RBFOX1: variants seen among roughly 807,000 people sequenced by gnomAD.
The protein encoded by RBFOX1 is RNA binding fox-1 homolog 1.
In RBFOX1, 8 loss-of-function variants were observed where a neutral mutation model predicts 57.7. The observed-to-expected ratio is 0.14, with a 90% CI of 0.08 to 0.25. The LOEUF (loss-of-function observed/expected upper bound fraction) is 0.25. Ranked by LOEUF, RBFOX1 falls within the 10% of genes least tolerant of loss-of-function variation. The pLI is 1.00. For missense variants in RBFOX1, 611 were observed against 548.5 expected (o/e 1.11, Z -1.14); for synonymous variants, 326 against 222.4 (o/e 1.47, Z -4.15).
intron 4 of RBFOX1, among the ~76,000 whole-genome samples, chr16:7,390,496 C>T (rs780014776): frequency 1.3e-5 from 2 of 152,162 alleles, no homozygotes; most frequent in East Asian, 1.9e-4. Flanking sequence ...ATCATCTGTT[C>T]AAAAGAATAC....
intron 2 of RBFOX1, among the ~76,000 whole-genome samples, chr16:5,488,054 G>C (rs1270565662): frequency 6.6e-6 from 1 of 151,864 alleles, no homozygotes; most frequent in Non-Finnish European, 1.5e-5. Flanking sequence ...GATGATGGTG[G>C]TGAGGTGTGA....
chr16:7,109,598 G>T (rs751449656), intron 4 of RBFOX1, among the ~76,000 whole-genome samples: 1 of 152,096 alleles, frequency 6.6e-6, no homozygotes, highest in Non-Finnish European at 1.5e-5. Flanking sequence ...ACAACCCAGG[G>T]ATCACAAGCC....
At chr16:6,246,750 G>A (rs376430882) in intron 1 of RBFOX1, among the ~76,000 whole-genome samples, 35 of 152,246 alleles carry the variant, frequency 2.3e-4, no homozygotes, top group Admixed American at 3.9e-4. Flanking sequence ...GTGCTGCCGC[G>A]GTCTCTATCT....
At chr16:7,198,782 C>T (rs1223761734) in intron 4 of RBFOX1, among the ~76,000 whole-genome samples, 14 of 152,206 alleles carry the variant, frequency 9.2e-5, no homozygotes. Flanking sequence ...TACTGGGCCT[C>T]ACCTCCCAAC....
intron 1 of RBFOX1, among the ~76,000 whole-genome samples, chr16:5,294,912 C>T (rs540445884): frequency 1.3e-5 from 2 of 150,668 alleles, no homozygotes; most frequent in South Asian, 4.3e-4. Context: ...CGCCTTTGAT[C>T]CCAGCTACTC....
At chr16:6,939,922 A>G (rs1241705500) in intron 3 of RBFOX1, among the ~76,000 whole-genome samples, 13 of 152,192 alleles carry the variant, frequency 8.5e-5, no homozygotes, top group Non-Finnish European at 1.5e-4. Context: ...TAATTTAATC[A>G]CAACTCTGGT....
intron 2 of RBFOX1, among the ~76,000 whole-genome samples, chr16:6,575,421 A>T (rs561073509): frequency 6.6e-6 from 1 of 152,330 alleles, no homozygotes; most frequent in African/African-American, 2.4e-5. Context: ...ACCTTTTACC[A>T]TGAGCTGATT....
At chr16:6,423,192 G>A (rs2093825028) in intron 2 of RBFOX1, among the ~76,000 whole-genome samples, 1 of 152,188 alleles carries the variant, frequency 6.6e-6, no homozygotes, top group Non-Finnish European at 1.5e-5. Context: ...AACTTTCTCT[G>A]ATAACAATAC....
At chr16:7,679,069 C>T (rs905025474) in intron 14 of RBFOX1, among the ~76,000 whole-genome samples, 12 of 152,134 alleles carry the variant, frequency 7.9e-5, no homozygotes, top group Non-Finnish European at 1.3e-4. Context: ...ACACTTGCCA[C>T]ATGGTATTAT....
At chr16:7,691,406 A>G (rs755877887) in intron 14 of RBFOX1, among the ~76,000 whole-genome samples, 6 of 151,914 alleles carry the variant, frequency 3.9e-5, no homozygotes, top group Non-Finnish European at 7.4e-5. Context: ...AATGAAGGGA[A>G]AATGAAAGGA....
intron 4 of RBFOX1, among the ~76,000 whole-genome samples, chr16:7,063,507 G>T (rs1036861814): frequency 9.2e-5 from 14 of 152,202 alleles, no homozygotes. Context: ...TACTGGATCA[G>T]ATTCTGGAGA....
intron 4 of RBFOX1, among the ~76,000 whole-genome samples, chr16:7,380,547 C>G (rs1596984920): frequency 6.6e-6 from 1 of 152,150 alleles, no homozygotes; most frequent in Non-Finnish European, 1.5e-5. Flanking sequence ...ACCAGTTTCC[C>G]TATTGATAGA....
At chr16:7,090,236 T>C (rs746132031) in intron 4 of RBFOX1, among the ~76,000 whole-genome samples, 3 of 152,208 alleles carry the variant, frequency 2.0e-5, no homozygotes, top group African/African-American at 4.8e-5. Flanking sequence ...GACAATAAAA[T>C]AGAATCCATA....
chr16:6,672,148 C>A (rs187483311), intron 3 of RBFOX1, among the ~76,000 whole-genome samples: 1 of 152,136 alleles, frequency 6.6e-6, no homozygotes, highest in Non-Finnish European at 1.5e-5. Context: ...GTAACATTAG[C>A]TAGAAATAGA....
chr16:7,569,607 C>T (rs2092559564), intron 5 of RBFOX1, among the ~76,000 whole-genome samples: 2 of 152,138 alleles, frequency 1.3e-5, no homozygotes, highest in Non-Finnish European at 2.9e-5. Flanking sequence ...GTAAAGTATC[C>T]TATTCAAGAT....
intron 3 of RBFOX1, among the ~76,000 whole-genome samples, chr16:6,931,344 C>CTTTATCT (rs1168215526): frequency 8.6e-6 from 1 of 115,742 alleles, no homozygotes; most frequent in African/African-American, 2.9e-5. Context: ...TATCTCTACA[C>CTTTATCT]ACACACACAC....
At chr16:5,658,521 A>G (rs1466699795) in intron 3 of RBFOX1, among the ~76,000 whole-genome samples, 2 of 152,052 alleles carry the variant, frequency 1.3e-5, no homozygotes, top group African/African-American at 4.8e-5. Flanking sequence ...CTCACTCTGT[A>G]TGGGTCATTC....
chr16:6,336,694 G>T lies in RBFOX1; in HGVS notation c.-64+19637G>T, dbSNP rs532287959. Among the ~76,000 whole-genome samples, 156 of 151,632 alleles carry T rather than the reference G, an allele frequency of 1.0e-3. 2 individuals are homozygous for T. The highest frequency in any genetic ancestry group is 1.8e-3 in the Non-Finnish European group (123 of 67,970). The stretch of plus-strand genomic sequence containing the variant: ...AAGCCATAAGATTCTGTAAAGAGGT[G>T]GGGGGGAAATTGGATGAGATGATAG... On this transcript the variant is annotated intron_variant, in intron 2 of 15. Coordinates refer to ENST00000550418, the MANE Select transcript of RBFOX1 (RefSeq NM_018723.4).
chr16:6,246,547 G>T (rs905927571), intron 1 of RBFOX1, among the ~76,000 whole-genome samples: 3 of 152,086 alleles, frequency 2.0e-5, no homozygotes, highest in African/African-American at 4.8e-5. Flanking sequence ...ACTATGATTG[G>T]CAGCTCTGTG....
Sources: allele counts gnomAD v4.1 joint callset (sites outside exome capture counted in the v4.1 genomes callset), GRCh38; gene constraint gnomAD v4.1.1; transcripts MANE v1.5; gene names NCBI Gene and HGNC (gene_info 2026-07-23, HGNC 2026-07-21).